FREM1: variants seen among roughly 807,000 people sequenced by gnomAD.
FREM1 encodes FRAS1-related extracellular matrix protein 1.
A neutral mutation model predicts 210.1 loss-of-function variants in FREM1; 220 were observed. The observed-to-expected ratio is 1.05, with a 90% CI of 0.94 to 1.17. FREM1 has a LOEUF of 1.17. Ranked by LOEUF, FREM1 falls within the 50% of genes most tolerant of loss-of-function variation. The pLI is 0.00. For synonymous variants in FREM1, 1,189 were observed against 980.2 expected, an observed-to-expected ratio of 1.21 and a Z score of -3.98; for missense variants, 3,454 against 2,675.5, an observed-to-expected ratio of 1.29 and a Z score of -6.42.
intron 10 of FREM1, among the ~76,000 whole-genome samples, chr9:14,835,679 G>T (rs1040788519): frequency 6.6e-6 from 1 of 152,204 alleles, no homozygotes; most frequent in African/African-American, 2.4e-5. Context: ...GGCTTTAAAA[G>T]TCTTACCTGA....
intron 1 of FREM1, among the ~76,000 whole-genome samples, chr9:14,891,489 G>A (rs1280703814): frequency 6.6e-6 from 1 of 152,226 alleles, no homozygotes; most frequent in Non-Finnish European, 1.5e-5. Flanking sequence ...CAACTGGGGA[G>A]GCTGAGGCAG....
chr9:14,768,645 G>A (rs1487396591), intron 27 of FREM1, among the ~76,000 whole-genome samples: 2 of 152,086 alleles, frequency 1.3e-5, no homozygotes, highest in African/African-American at 4.8e-5. Context: ...GGAGTGGGAC[G>A]CTGGGAATGT....
At chr9:14,881,551 T>C (rs1022707674) in intron 1 of FREM1, among the ~76,000 whole-genome samples, 2 of 152,216 alleles carry the variant, frequency 1.3e-5, no homozygotes, top group Non-Finnish European at 2.9e-5. Flanking sequence ...ATGTAAACAA[T>C]TTAGAATGCC....
Position 14,824,121 on chromosome 9 carries a change from G to C in FREM1, c.2079-6C>G. 1 of 1,531,154 alleles carries C rather than the reference G, an allele frequency of 6.5e-7. No individual in the cohort carries two copies. The highest frequency in any genetic ancestry group is 8.9e-7 in the Non-Finnish European group (1 of 1,121,348). 94.8% of individuals were successfully genotyped at this position (1,531,154 alleles called of 1,614,324 possible). ...ATTTCCCAGCATCCAAGTGTCTAAA[G>C]AGAAATACAGAGGAGCACATCAGCT... On this transcript the variant is annotated splice_polypyrimidine_tract_variant and splice_region_variant and intron_variant, in intron 11 of 36. Transcript: ENST00000380880.
At chr9:14,796,904 G>A (rs1852509663) in intron 21 of FREM1, among the ~76,000 whole-genome samples, 1 of 152,176 alleles carries the variant, frequency 6.6e-6, no homozygotes, top group Non-Finnish European at 1.5e-5. Flanking sequence ...AATACAGGGA[G>A]ATACTGAGAA....
intron 5 of FREM1, among the ~76,000 whole-genome samples, chr9:14,855,244 T>C (rs1467521548): frequency 8.5e-5 from 13 of 152,134 alleles, no homozygotes. Context: ...CTTGAAATTG[T>C]ATACGTTATA....
At chr9:14,860,653 A>G (rs149186441) in intron 3 of FREM1, among the ~76,000 whole-genome samples, 1,950 of 140,882 alleles carry the variant, frequency 0.014, 45 homozygotes, top group African/African-American at 0.049. Context: ...ATACATATAT[A>G]CACATATATA....
rs72711392 is a variant in FREM1 at position 14,848,163 on chromosome 9, T to C, written c.1261+502A>G. On this transcript the variant is annotated intron_variant, in intron 7 of 36. Transcript: ENST00000380880. Reference sequence around the variant, plus strand: ...ATTTACATTCCACATTTACATCTGATCAACATATACATATATATATCACAT... The same window carrying C: ...ATTTACATTCCACATTTACATCTGACCAACATATACATATATATATCACAT... 7.5e-3 allele frequency among the ~76,000 whole-genome samples: 1,144 copies of C among 152,316 alleles called. 8 individuals are homozygous for C. The highest frequency in any genetic ancestry group is 0.012 in the Non-Finnish European group (843 of 68,028).
At chr9:14,825,919 C>T (rs1822358081) in intron 10 of FREM1, among the ~76,000 whole-genome samples, 1 of 152,170 alleles carries the variant, frequency 6.6e-6, no homozygotes, top group East Asian at 1.9e-4. Flanking sequence ...GCCCTAAATC[C>T]AAGAGCTAAT....
chr9:14,884,350 C>G lies in FREM1; in HGVS notation c.-267-15106G>C, dbSNP rs1045677077. On this transcript the variant is annotated intron_variant, in intron 1 of 36. Transcript: ENST00000380880. ...CTGACATGACTGCAAATCAGTTCTGCTCTCCCTGACCATTTTCCCACCATT... is the reference window on the plus strand; with the variant it reads ...CTGACATGACTGCAAATCAGTTCTGGTCTCCCTGACCATTTTCCCACCATT... Among the ~76,000 whole-genome samples the G allele has an allele frequency of 2.6e-5, 4 of 152,362 alleles. No homozygotes were observed. The South Asian group carries it at 8.3e-4, about 32-fold the overall frequency.
Position 14,775,962 on chromosome 9 carries a change from G to A in FREM1, c.4684C>T (p.Leu1562=). The change falls in exon 25 of 37, where the codon CTA becomes TTA. Residue 1562 remains leucine, a synonymous_variant. Coordinates refer to ENST00000380880, the MANE Select transcript of FREM1 (RefSeq NM_001379081.2). The part of the protein sequence containing the change: ...HGQLYLWGTG[L]LQHNFTQQDV... ...TGCTGGGTGAAATTGTGTTGAAGTA[G>A]CCCTGTCCCCCACAGGTAGAGCTGG... 6.2e-7 allele frequency: 1 copy of A among 1,613,990 alleles called. No individual in the cohort carries two copies. The highest frequency in any genetic ancestry group is 8.5e-7 in the Non-Finnish European group (1 of 1,179,880).
intron 10 of FREM1, among the ~76,000 whole-genome samples, chr9:14,834,734 T>C (rs1824214639): frequency 6.6e-6 from 1 of 152,194 alleles, no homozygotes; most frequent in African/African-American, 2.4e-5. Context: ...GCCAAAATGA[T>C]GTCCAATCTT....
chr9:14,856,648 A>G (rs1357451968), intron 5 of FREM1, among the ~76,000 whole-genome samples: 1 of 152,038 alleles, frequency 6.6e-6, no homozygotes, highest in Non-Finnish European at 1.5e-5. Flanking sequence ...CCTGGCTAAC[A>G]CGGTGAAACC....
chr9:14,890,121 CAG>C (rs1195782183), intron 1 of FREM1, among the ~76,000 whole-genome samples: 3 of 152,196 alleles, frequency 2.0e-5, no homozygotes, highest in Non-Finnish European at 4.4e-5. Context: ...GGGAGAAGGT[CAG>C]AGAGTCTTTC....
Position 14,823,259 on chromosome 9 carries a change from A to C in FREM1, c.2238T>G (p.Asp746Glu), listed in dbSNP as rs1286525048. 1.2e-6 allele frequency: 2 copies of C among 1,613,948 alleles called. No individual in the cohort carries two copies. The highest frequency in any genetic ancestry group is 4.5e-5 in the East Asian group (2 of 44,878). The change falls in exon 13 of 37, where the codon GAT (aspartate) becomes GAG (glutamate). Residue 746 changes from aspartate (D) to glutamate (E), a missense_variant. Transcript: ENST00000380880. ...TACTGACAGAAAATGTGAACTGGAC[A>C]TCTCTGCAATGGGGACCAATGTCTT... is the stretch of plus-strand genomic sequence containing the variant. ...PMQDIGPHCR[D>E]VQFTFSVSNQ...
chr9:14,797,151 T>A (rs1852574542), intron 21 of FREM1, among the ~76,000 whole-genome samples: 1 of 152,234 alleles, frequency 6.6e-6, no homozygotes, highest in Non-Finnish European at 1.5e-5. Context: ...TGAATCTATA[T>A]ATTAATTGCA....
Position 14,748,175 on chromosome 9 carries a change from A to G in FREM1, c.5796+226T>C, listed in dbSNP as rs77463824. Among the ~76,000 whole-genome samples the G allele has an allele frequency of 0.021, 3,178 of 152,280 alleles. 122 individuals are homozygous for G. Among genetic ancestry groups the G allele is most frequent in the African/African-American group, 0.072 (2,978 of 41,534 alleles). On this transcript the variant is annotated intron_variant, in intron 31 of 36. Transcript: ENST00000380880. ...CACAAAAGGAATCAAAGAAGAAATC[A>G]TATGGATGAATCAGCATATCTATCA...
At chr9:14,860,583 A>ATGTG (rs1208920379) in intron 3 of FREM1, among the ~76,000 whole-genome samples, 1 of 131,274 alleles carries the variant, frequency 7.6e-6, no homozygotes, top group African/African-American at 3.6e-5. Flanking sequence ...ATATATATAC[A>ATGTG]CATATATATA....
At chr9:14,822,156 A>T (rs1275621922) in intron 13 of FREM1, among the ~76,000 whole-genome samples, 2 of 152,126 alleles carry the variant, frequency 1.3e-5, no homozygotes, top group Non-Finnish European at 2.9e-5. Context: ...CCCTTCTGCC[A>T]TGGTTGTGAG....
Sources: allele counts gnomAD v4.1 joint callset (sites outside exome capture counted in the v4.1 genomes callset), GRCh38; gene constraint gnomAD v4.1.1; transcripts MANE v1.5; gene names NCBI Gene and HGNC (gene_info 2026-07-23, HGNC 2026-07-21).